The following OPCML variants were observed in gnomAD, a reference collection of about 807,000 sequenced individuals.
OPCML encodes the protein opioid binding protein/cell adhesion molecule like.
A neutral mutation model predicts 37.8 loss-of-function variants in OPCML; 13 were observed. The observed-to-expected ratio is 0.34, with a 90% CI of 0.22 to 0.55. OPCML has a LOEUF of 0.55. Among genes scored for constraint, OPCML ranks in the 20% least tolerant of loss-of-function variants. The pLI is 0.91. For synonymous variants in OPCML, 176 were observed against 168.8 expected, an observed-to-expected ratio of 1.04 and a Z score of -0.33; for missense variants, 341 against 435.6, an observed-to-expected ratio of 0.78 and a Z score of 1.93.
intron 1 of OPCML, among the ~76,000 whole-genome samples, chr11:133,250,309 C>T (rs1941083540): frequency 6.6e-6 from 1 of 151,868 alleles, no homozygotes; most frequent in Non-Finnish European, 1.5e-5. Context: ...TGGACAATTC[C>T]TATAATTCTA....
chr11:132,851,092 A>G (rs1326809932), intron 2 of OPCML, among the ~76,000 whole-genome samples: 1 of 152,204 alleles, frequency 6.6e-6, no homozygotes, highest in African/African-American at 2.4e-5. Flanking sequence ...TTATGAATAT[A>G]GATAACCAAG....
intron 2 of OPCML, among the ~76,000 whole-genome samples, chr11:132,938,946 G>C (rs61909269): frequency 0.018 from 2,757 of 152,256 alleles, 33 homozygotes; most frequent in Middle Eastern, 0.054. Flanking sequence ...CAATCTGGGA[G>C]ACTGGAAATG....
intron 2 of OPCML, among the ~76,000 whole-genome samples, chr11:132,842,522 G>A (rs1038186608): frequency 6.6e-6 from 1 of 152,200 alleles, no homozygotes; most frequent in Non-Finnish European, 1.5e-5. Flanking sequence ...GGAAGCAGTA[G>A]CCCTTGCAGC....
intron 1 of OPCML, among the ~76,000 whole-genome samples, chr11:133,480,439 G>A (rs940806023): frequency 7.9e-5 from 12 of 152,160 alleles, no homozygotes; most frequent in East Asian, 1.9e-4. Flanking sequence ...GTGTGTGCTC[G>A]TCCCATCCTT....
chr11:133,317,867 G>A (rs1157997757), intron 1 of OPCML, among the ~76,000 whole-genome samples: 1 of 152,204 alleles, frequency 6.6e-6, no homozygotes, highest in Non-Finnish European at 1.5e-5. Flanking sequence ...GTAAGCTCAT[G>A]GTGATAGACA....
intron 1 of OPCML, among the ~76,000 whole-genome samples, chr11:133,044,627 G>T (rs892588712): frequency 6.6e-6 from 1 of 152,120 alleles, no homozygotes; most frequent in Non-Finnish European, 1.5e-5. Context: ...AATCCATACC[G>T]AATTCTAGGA....
chr11:133,528,679 A>C (rs941672494), intron 1 of OPCML, among the ~76,000 whole-genome samples: 6 of 152,188 alleles, frequency 3.9e-5, no homozygotes, highest in African/African-American at 1.2e-4. Flanking sequence ...TTTCTATCCA[A>C]GCCCAGGGTT....
intron 1 of OPCML, among the ~76,000 whole-genome samples, chr11:133,296,437 G>T (rs926463386): frequency 1.3e-5 from 2 of 152,110 alleles, no homozygotes; most frequent in African/African-American, 4.8e-5. Flanking sequence ...CTGGAAGCCC[G>T]CTCAACAATT....
chr11:133,310,670 C>A (rs2136591873), intron 1 of OPCML, among the ~76,000 whole-genome samples: 1 of 152,242 alleles, frequency 6.6e-6, no homozygotes, highest in East Asian at 1.9e-4. Flanking sequence ...AATGCCCAAG[C>A]ACTATCCTTC....
At chr11:132,854,401 C>A (rs921088945) in intron 2 of OPCML, among the ~76,000 whole-genome samples, 2 of 152,130 alleles carry the variant, frequency 1.3e-5, no homozygotes, top group Non-Finnish European at 2.9e-5. Context: ...AAATCATTGA[C>A]CATTGGTGAT....
chr11:132,922,701 T>C (rs1034808155), intron 2 of OPCML, among the ~76,000 whole-genome samples: 1 of 152,136 alleles, frequency 6.6e-6, no homozygotes, highest in Non-Finnish European at 1.5e-5. Flanking sequence ...AAGCAAAAAA[T>C]TGTTGTACTC....
intron 1 of OPCML, among the ~76,000 whole-genome samples, chr11:133,281,869 T>C (rs541960147): frequency 6.6e-6 from 1 of 152,266 alleles, no homozygotes; most frequent in South Asian, 2.1e-4. Context: ...AGCTTGACTG[T>C]ACTGTATCCG....
chr11:132,551,888 C>G (rs1228413599), intron 3 of OPCML, among the ~76,000 whole-genome samples: 1 of 152,166 alleles, frequency 6.6e-6, no homozygotes, highest in African/African-American at 2.4e-5. Context: ...ATTCCCCTGT[C>G]TTGATAAATT....
intron 1 of OPCML, among the ~76,000 whole-genome samples, chr11:133,326,983 ATGTGGGTGAGGGGG>A (rs931507803): frequency 2.7e-5 from 2 of 72,836 alleles, no homozygotes; most frequent in African/African-American, 1.1e-4. Context: ...TGGTGTGTGT[ATGTGGGTGAGGGGG>A]TGTGGGTGTA....
intron 2 of OPCML, among the ~76,000 whole-genome samples, chr11:132,940,342 C>T (rs1419145452): frequency 6.6e-6 from 1 of 152,154 alleles, no homozygotes; most frequent in Non-Finnish European, 1.5e-5. Context: ...CCCAGGACAA[C>T]CACATTAAAA....
chr11:133,507,042 T>C (rs1948048067), intron 1 of OPCML, among the ~76,000 whole-genome samples: 2 of 152,230 alleles, frequency 1.3e-5, no homozygotes, highest in South Asian at 2.1e-4. Flanking sequence ...CCCATTTTCA[T>C]CCTGTGACTG....
At chr11:133,242,667 T>C (rs1940773620) in intron 1 of OPCML, among the ~76,000 whole-genome samples, 1 of 152,186 alleles carries the variant, frequency 6.6e-6, no homozygotes, top group African/African-American at 2.4e-5. Context: ...AGGTCCTTTC[T>C]CCAAATACTG....
chr11:133,082,423 T>TCCCCCCTCCCCATCCTTTCTCTTC (rs1948740675), intron 1 of OPCML, among the ~76,000 whole-genome samples: 1 of 50,270 alleles, frequency 2.0e-5, no homozygotes, highest in African/African-American at 8.2e-5. Flanking sequence ...CTCCCTATCC[T>TCCCCCCTCCCCATCCTTTCTCTTC]CCCCCCTCCC....
intron 3 of OPCML, among the ~76,000 whole-genome samples, chr11:132,531,052 T>C (rs891517468): frequency 1.5e-4 from 23 of 152,192 alleles, no homozygotes; most frequent in Admixed American, 1.4e-3. Flanking sequence ...GCTCTGTGTA[T>C]GGCAGTTTAT....
Sources: gnomAD v4.1 joint callset for allele counts (sites outside exome capture counted in the v4.1 genomes callset) on GRCh38, gnomAD v4.1.1 for gene constraint, MANE v1.5 for transcripts, NCBI Gene and HGNC (gene_info 2026-07-23, HGNC 2026-07-21) for gene names.